FBXW7: variants seen among roughly 807,000 people sequenced by gnomAD.
FBXW7 encodes F-box and WD repeat domain containing 7.
In FBXW7, 11 loss-of-function variants were observed where a neutral mutation model predicts 86.3. The ratio of observed to expected loss-of-function variants is 0.13; its 90% CI spans 0.08 to 0.21. The LOEUF (loss-of-function observed/expected upper bound fraction) is 0.21, where lower values mean the gene tolerates loss of function less well. Among genes scored for constraint, FBXW7 ranks in the 10% least tolerant of loss-of-function variants. FBXW7 has a pLI of 1.00. For synonymous variants in FBXW7, 313 were observed against 297.9 expected (o/e 1.05, Z -0.52); for missense variants, 488 against 847.4 (o/e 0.58, Z 5.27).
At chr4:152,472,792 T>TA (rs943247927) in intron 2 of FBXW7, among the ~76,000 whole-genome samples, 1 of 152,138 alleles carries the variant, frequency 6.6e-6, no homozygotes, top group African/African-American at 2.4e-5. Context: ...TAAGTTTTTC[T>TA]AATCAAAGAT....
rs1319830719 is a variant in FBXW7 at position 152,411,862 on chromosome 4, G to GT, written c.-60dup. The GT allele has an allele frequency of 1.3e-6, 2 of 1,496,154 alleles. No homozygotes were observed. Among genetic ancestry groups the GT allele is most frequent in the Admixed American group, 5.0e-5 (2 of 39,652 alleles). 92.7% of individuals were successfully genotyped at this position (1,496,154 alleles called of 1,614,324 possible). ...GGCTAGACTATCAGAAGATGCAAAG[G>GT]TTTTCACATTCTGCAGGGGAAAATA... On this transcript the variant is annotated 5_prime_UTR_variant, in exon 4 of 14. Transcript: ENST00000281708.
intron 2 of FBXW7, among the ~76,000 whole-genome samples, chr4:152,465,332 A>C (rs980131499): frequency 1.3e-5 from 2 of 152,196 alleles, no homozygotes; most frequent in Non-Finnish European, 2.9e-5. Flanking sequence ...TATAAAAGCT[A>C]TTTTGCCTTA....
chr4:152,503,739 T>C (rs1281626797), intron 2 of FBXW7, among the ~76,000 whole-genome samples: 1 of 152,180 alleles, frequency 6.6e-6, no homozygotes, highest in Non-Finnish European at 1.5e-5. Context: ...AATTAGTTTC[T>C]ATCACAACAG....
intron 4 of FBXW7, among the ~76,000 whole-genome samples, chr4:152,366,391 G>T (rs185889985): frequency 1.2e-4 from 19 of 152,224 alleles, no homozygotes; most frequent in Admixed American, 1.2e-3. Flanking sequence ...AGCAATGCTT[G>T]TTAAAGTACA....
chr4:152,428,842 C>G (rs775709873), intron 2 of FBXW7, among the ~76,000 whole-genome samples: 10 of 152,096 alleles, frequency 6.6e-5, no homozygotes, highest in Non-Finnish European at 1.5e-4. Context: ...CAATTCAGAT[C>G]GTCAAAATAT....
chr4:152,479,240 T>C (rs1193378751), intron 2 of FBXW7, among the ~76,000 whole-genome samples: 1 of 152,014 alleles, frequency 6.6e-6, no homozygotes, highest in Non-Finnish European at 1.5e-5. Context: ...CTATACTGAG[T>C]AGTGAAACAT....
intron 2 of FBXW7, among the ~76,000 whole-genome samples, chr4:152,485,211 G>A (rs900353751): frequency 3.9e-5 from 6 of 151,918 alleles, no homozygotes; most frequent in African/African-American, 1.4e-4. Flanking sequence ...CAACATATCA[G>A]TTAGATTAAA....
At chr4:152,526,904 GTT>G (rs1227488607) in intron 2 of FBXW7, among the ~76,000 whole-genome samples, 4 of 152,020 alleles carry the variant, frequency 2.6e-5, no homozygotes, top group Non-Finnish European at 4.4e-5. Context: ...TTAATAAAAT[GTT>G]AATGAAGTTT....
chr4:152,425,437 A>G (rs1186103830), intron 2 of FBXW7, among the ~76,000 whole-genome samples: 1 of 152,128 alleles, frequency 6.6e-6, no homozygotes, highest in Non-Finnish European at 1.5e-5. Flanking sequence ...GTACTTCAAT[A>G]CCCACCTTAA....
At chr4:152,395,615 T>C (rs1736356796) in intron 4 of FBXW7, among the ~76,000 whole-genome samples, 1 of 152,088 alleles carries the variant, frequency 6.6e-6, no homozygotes. Flanking sequence ...TAAGGAAAAG[T>C]CCGTAGGTCA....
intron 4 of FBXW7, among the ~76,000 whole-genome samples, chr4:152,352,117 A>T (rs1275599866): frequency 2.0e-5 from 3 of 152,174 alleles, no homozygotes; most frequent in Non-Finnish European, 2.9e-5. Context: ...TGAAAAAAGA[A>T]AAACTGTATA....
chr4:152,428,949 G>A (rs562186775), intron 2 of FBXW7, among the ~76,000 whole-genome samples: 2 of 152,156 alleles, frequency 1.3e-5, no homozygotes, highest in East Asian at 3.9e-4. Flanking sequence ...CAGCACTTTG[G>A]GAGGCCAAGG....
intron 4 of FBXW7, among the ~76,000 whole-genome samples, chr4:152,351,377 T>C (rs1731799225): frequency 6.6e-6 from 1 of 152,214 alleles, no homozygotes; most frequent in South Asian, 2.1e-4. Context: ...CACCTACAAT[T>C]TATACCTTAG....
At chr4:152,404,632 C>G (rs546171814) in intron 4 of FBXW7, among the ~76,000 whole-genome samples, 53 of 152,252 alleles carry the variant, frequency 3.5e-4, no homozygotes, top group African/African-American at 1.3e-3. Flanking sequence ...TTGCCTTCAA[C>G]TGATTTCTGC....
At chr4:152,422,780 C>G (rs1392619166) in intron 2 of FBXW7, among the ~76,000 whole-genome samples, 1 of 152,184 alleles carries the variant, frequency 6.6e-6, no homozygotes, top group Non-Finnish European at 1.5e-5. Flanking sequence ...AAGTAACTCA[C>G]TTCTTTTAAA....
intron 2 of FBXW7, among the ~76,000 whole-genome samples, chr4:152,464,671 A>G (rs1743245135): frequency 6.6e-6 from 1 of 152,236 alleles, no homozygotes; most frequent in Non-Finnish European, 1.5e-5. Context: ...AGCAGAAGAA[A>G]TGAACAGTTG....
intron 2 of FBXW7, among the ~76,000 whole-genome samples, chr4:152,523,661 A>T (rs1403458610): frequency 6.6e-6 from 1 of 152,234 alleles, no homozygotes; most frequent in Non-Finnish European, 1.5e-5. Flanking sequence ...AAGCTAGTCT[A>T]TGATACGCTT....
At chr4:152,405,018 G>C (rs1364734517) in intron 4 of FBXW7, among the ~76,000 whole-genome samples, 1 of 151,092 alleles carries the variant, frequency 6.6e-6, no homozygotes, top group East Asian at 1.9e-4. Flanking sequence ...CTTAAGCCTG[G>C]GAGGTGGAGG....
intron 2 of FBXW7, among the ~76,000 whole-genome samples, chr4:152,511,807 T>C (rs1748004276): frequency 2.6e-5 from 4 of 152,198 alleles, no homozygotes; most frequent in Non-Finnish European, 4.4e-5. Context: ...TGTGAGAGAA[T>C]ATCACTATAT....
Sources: gnomAD v4.1 joint callset for allele counts (sites outside exome capture counted in the v4.1 genomes callset) on GRCh38, gnomAD v4.1.1 for gene constraint, MANE v1.5 for transcripts, NCBI Gene and HGNC (gene_info 2026-07-23, HGNC 2026-07-21) for gene names.